Variants in CHSY3 observed in about 807,000 individuals in gnomAD.
CHSY3 encodes the protein N-acetylgalactosaminyl-proteoglycan 3-beta-glucuronosyltransferase 3.
CHSY3 carries 35 observed loss-of-function variants against 67.2 expected under a neutral mutation model. That is an observed-to-expected ratio of 0.52 (90% CI 0.40 to 0.69). CHSY3 has a LOEUF of 0.69. Among genes scored for constraint, CHSY3 ranks in the 30% least tolerant of loss-of-function variants. The pLI, the probability that CHSY3 is intolerant of heterozygous loss-of-function variation, is 0.00. For missense variants in CHSY3, 1,069 were observed against 1,138.5 expected, an observed-to-expected ratio of 0.94 and a Z score of 0.88; for synonymous variants, 474 against 434.7, an observed-to-expected ratio of 1.09 and a Z score of -1.12.
chr5:130,004,486 C>A (rs1225589423), intron 2 of CHSY3, among the ~76,000 whole-genome samples: 1 of 151,986 alleles, frequency 6.6e-6, no homozygotes, highest in African/African-American at 2.4e-5. Context: ...TATGTAAATG[C>A]ATAGAAGCAA....
chr5:129,970,435 TAGATAGATA>T (rs1762607343), intron 2 of CHSY3, among the ~76,000 whole-genome samples: 1 of 149,410 alleles, frequency 6.7e-6, no homozygotes, highest in South Asian at 2.1e-4. Flanking sequence ...GATAGATAGA[TAGATAGATA>T]GATAGACAGA....
chr5:129,970,505 G>T (rs1312381043), intron 2 of CHSY3, among the ~76,000 whole-genome samples: 1 of 151,374 alleles, frequency 6.6e-6, no homozygotes, highest in Non-Finnish European at 1.5e-5. Context: ...TTAAATGAAG[G>T]GCTAGCATGG....
chr5:130,134,786 T>C (rs17515082), intron 2 of CHSY3, among the ~76,000 whole-genome samples: 8,536 of 152,070 alleles, frequency 0.056, 337 homozygotes, highest in Non-Finnish European at 0.08. Flanking sequence ...AAGTTAATAG[T>C]TAAATTGCAC....
At chr5:130,076,064 G>T (rs1766238942) in intron 2 of CHSY3, among the ~76,000 whole-genome samples, 1 of 151,976 alleles carries the variant, frequency 6.6e-6, no homozygotes, top group Non-Finnish European at 1.5e-5. Context: ...TTGCCTTTCT[G>T]GTCCAAGCCT....
chr5:130,061,203 CA>C (rs1765701819), intron 2 of CHSY3, among the ~76,000 whole-genome samples: 1 of 151,982 alleles, frequency 6.6e-6, no homozygotes, highest in Non-Finnish European at 1.5e-5. Context: ...GATACTGGTA[CA>C]AAAATAGATA....
At chr5:129,909,346 C>T (rs1760448382) in intron 2 of CHSY3, among the ~76,000 whole-genome samples, 1 of 151,996 alleles carries the variant, frequency 6.6e-6, no homozygotes, top group Admixed American at 6.6e-5. Flanking sequence ...TCAAACTTTT[C>T]ATGTCACTTA....
chr5:130,153,507 C>G (rs1769285707), intron 2 of CHSY3, among the ~76,000 whole-genome samples: 2 of 152,070 alleles, frequency 1.3e-5, no homozygotes. Flanking sequence ...CACCTTTGAT[C>G]CTTTAAATCT....
At position 130,185,066 on chromosome 5, in the gene CHSY3, G is replaced by A; in HGVS notation, c.1924G>A (p.Glu642Lys). ...DIFLRFMENF[E>K]NMCLIPKQNV... is the part of the protein sequence containing the mutation. Reference sequence around the variant, plus strand: ...TTTCTTGAGATTCATGGAGAACTTTGAAAACATGTGTCTTATCCCAAAGCA... The same window carrying A: ...TTTCTTGAGATTCATGGAGAACTTTAAAAACATGTGTCTTATCCCAAAGCA... Residue 642 changes from glutamate (E) to lysine (K), a missense_variant, in exon 3 of 3, where the codon GAA (glutamate) becomes AAA (lysine). By Grantham distance (56) the Glu-to-Lys change is moderately conservative. Around this residue, in one of 5 missense-constraint regions of CHSY3, gnomAD observed 401 missense variants for 395.2 expected, o/e 1.01. Transcript: ENST00000305031. 1 of 1,605,706 alleles carries A rather than the reference G, an allele frequency of 6.2e-7. No individual in the cohort carries two copies. Among genetic ancestry groups the A allele is most frequent in the Non-Finnish European group, 8.5e-7 (1 of 1,172,376 alleles).
intron 2 of CHSY3, among the ~76,000 whole-genome samples, chr5:129,947,392 G>A (rs1761888909): frequency 6.6e-6 from 1 of 152,124 alleles, no homozygotes; most frequent in South Asian, 2.1e-4. Flanking sequence ...GGGAGGCTGG[G>A]GTGGGTGATT....
At chr5:129,914,246 G>GAC (rs1760667211) in intron 2 of CHSY3, among the ~76,000 whole-genome samples, 1 of 152,086 alleles carries the variant, frequency 6.6e-6, no homozygotes, top group Non-Finnish European at 1.5e-5. Flanking sequence ...GAGTAGCTGG[G>GAC]ATTACAGACA....
intron 2 of CHSY3, among the ~76,000 whole-genome samples, chr5:130,145,887 C>T (rs1030964578): frequency 1.5e-4 from 23 of 151,908 alleles, no homozygotes; most frequent in Non-Finnish European, 1.5e-4. Flanking sequence ...AAATGCAAAT[C>T]AATACCACAA....
chr5:129,970,036 A>G (rs1191017558), intron 2 of CHSY3, among the ~76,000 whole-genome samples: 3 of 151,846 alleles, frequency 2.0e-5, no homozygotes, highest in African/African-American at 7.2e-5. Context: ...AAGGCCCCCC[A>G]AATCTGCAAA....
intron 2 of CHSY3, among the ~76,000 whole-genome samples, chr5:130,105,480 A>G (rs1268890207): frequency 6.6e-6 from 1 of 151,696 alleles, no homozygotes; most frequent in Non-Finnish European, 1.5e-5. Context: ...AGTCACTTCA[A>G]GAAAGGCCTA....
In CHSY3 at chr5:130,185,444, T is replaced by G; in HGVS notation, c.2302T>G (p.Phe768Val). The change falls in exon 3 of 3, where the codon TTC (phenylalanine) becomes GTC (valine). Residue 768 changes from phenylalanine to valine, a missense_variant. Phe to Val is a conservative substitution (Grantham distance 50). Around this residue, in one of 5 missense-constraint regions of CHSY3, gnomAD observed 139 missense variants for 152.8 expected, o/e 0.91. Transcript: ENST00000305031. ...GNPPTDDYFI[F>V]SKKTGFWRDY... Reference sequence around the variant, plus strand: ...TCCTCCCACTGATGATTACTTCATATTCTCAAAAAAGACTGGATTTTGGAG... The same window carrying G: ...TCCTCCCACTGATGATTACTTCATAGTCTCAAAAAAGACTGGATTTTGGAG... 1 of 1,613,986 alleles carries G rather than the reference T, an allele frequency of 6.2e-7. No individual in the cohort carries two copies. Among genetic ancestry groups the G allele is most frequent in the Non-Finnish European group, 8.5e-7 (1 of 1,179,846 alleles).
At chr5:129,928,335 G>A (rs1306572420) in intron 2 of CHSY3, among the ~76,000 whole-genome samples, 2 of 151,816 alleles carry the variant, frequency 1.3e-5, no homozygotes, top group Admixed American at 1.3e-4. Context: ...ATCTAGAACT[G>A]TATCTAATAG....
At chr5:130,112,663 C>G (rs1767626306) in intron 2 of CHSY3, among the ~76,000 whole-genome samples, 1 of 152,052 alleles carries the variant, frequency 6.6e-6, no homozygotes, top group Admixed American at 6.6e-5. Context: ...TACTCAGAGT[C>G]ACCTTTGTTT....
chr5:130,014,922 C>A (rs1300456196), intron 2 of CHSY3, among the ~76,000 whole-genome samples: 1 of 152,124 alleles, frequency 6.6e-6, no homozygotes, highest in Non-Finnish European at 1.5e-5. Context: ...AAACAGACAT[C>A]CTACAGAACG....
At chr5:130,017,385 T>C (rs1764246342) in intron 2 of CHSY3, among the ~76,000 whole-genome samples, 1 of 152,130 alleles carries the variant, frequency 6.6e-6, no homozygotes, top group African/African-American at 2.4e-5. Context: ...CCAGGCTTTC[T>C]CAAATCTTCC....
In CHSY3 at chr5:129,908,262, G is replaced by A; in HGVS notation, c.988G>A (p.Gly330Ser). The part of the protein sequence containing the change: ...EVLRRMVPHI[G>S]ECLREMYTTH... ...TCTCAGGAGGATGGTGCCACATATT[G>A]GTGAATGCCTTAGAGAAATGTACAC... is the stretch of plus-strand genomic sequence containing the variant. Residue 330 changes from glycine (G) to serine (S), a missense_variant, in exon 2 of 3, where the codon GGT becomes AGT. By Grantham distance (56) the Gly-to-Ser change is moderately conservative (BLOSUM62 0). Coordinates refer to ENST00000305031, the MANE Select transcript of CHSY3 (RefSeq NM_175856.5). 2.5e-6 allele frequency: 4 copies of A among 1,614,148 alleles called. No homozygotes were observed. Among genetic ancestry groups the A allele is most frequent in the Non-Finnish European group, 3.4e-6 (4 of 1,180,034 alleles).
Sources: allele counts gnomAD v4.1 joint callset (sites outside exome capture counted in the v4.1 genomes callset), GRCh38; gene constraint gnomAD v4.1.1; regional missense constraint gnomAD v4.1.1; transcripts MANE v1.5; gene names NCBI Gene and HGNC (gene_info 2026-07-23, HGNC 2026-07-21).